Variants in SF1 observed in about 807,000 individuals in gnomAD.
The protein encoded by SF1 is branch point-binding protein.
In SF1, 7 loss-of-function variants were observed where a neutral mutation model predicts 62.5. The ratio of observed to expected loss-of-function variants is 0.11; its 90% CI spans 0.06 to 0.21. SF1 has a LOEUF of 0.21. Among genes scored for constraint, SF1 ranks in the 10% least tolerant of loss-of-function variants. The pLI is 1.00. For synonymous variants in SF1, 394 were observed against 323.6 expected (o/e 1.22, Z -2.33); for missense variants, 578 against 884.0 (o/e 0.65, Z 4.39).
At chr11:64,766,829 G>A (rs1482521216) in intron 12 of SF1, 71 bp downstream of exon 12, 9 of 1,261,096 alleles carry the variant, frequency 7.1e-6, no homozygotes, top group Non-Finnish European at 9.6e-6. Flanking sequence ...CTGCTTGTGT[G>A]AGGCTCTATG....
At position 64,765,941 on chromosome 11, in the gene SF1, C is replaced by T. The variant is rs1290538736; in HGVS notation, c.1797G>A (p.Pro599=). ...CCATGGGAGGCGGAGGAGGAGGGGGCGGGGCATACATCATGCCGGCGGAAC... is the reference window on the plus strand; with the variant it reads ...CCATGGGAGGCGGAGGAGGAGGGGGTGGGGCATACATCATGCCGGCGGAAC... ...PPGSAGMMYA[P]PPPPPPPMDP... is the part of the protein sequence containing the mutation. The change falls in exon 13 of 13, where the codon CCG becomes CCA. Residue 599 remains proline (P), a synonymous_variant. Transcript: ENST00000377390. The T allele has an allele frequency of 1.3e-5, 18 of 1,409,144 alleles. No homozygotes were observed. The highest frequency in any genetic ancestry group is 8.5e-5 in the African/African-American group (5 of 58,506). The allele number at this position is 1,409,144 out of a possible 1,614,324, so 87.3% of individuals were successfully genotyped here.
intron 12 of SF1, chr11:64,766,677 A>G: frequency 2.2e-6 from 1 of 453,296 alleles, no homozygotes; most frequent in Non-Finnish European, 3.9e-6. Flanking sequence ...GCTCCCCTCC[A>G]GGCCCCCACG....
In SF1 at chr11:64,765,571, A is replaced by C. The variant is rs1250016581; in HGVS notation, c.*247T>G. 4.5e-6 allele frequency: 7 copies of C among 1,554,406 alleles called. No individual in the cohort carries two copies. Among genetic ancestry groups the C allele is most frequent in the Middle Eastern group, 2.2e-4 (1 of 4,622 alleles). ...AGGGAGTTGGGTGAGGAGAGAAAGAAGACAAAGAAGACACTCGATGCTACG... is the reference window on the plus strand; with the variant it reads ...AGGGAGTTGGGTGAGGAGAGAAAGACGACAAAGAAGACACTCGATGCTACG... On this transcript the variant is annotated 3_prime_UTR_variant, in exon 13 of 13. Transcript: ENST00000377390.
At chr11:64,772,646 T>C in intron 3 of SF1, 2 of 985,386 alleles carry the variant, frequency 2.0e-6, no homozygotes, top group Non-Finnish European at 1.2e-6. Context: ...CTTACTGCCC[T>C]TCTAATTAAA....
Position 64,769,099 on chromosome 11 carries a change from G to T in SF1, c.810C>A (p.Thr270=), listed in dbSNP as rs769522359. ...RILRPWQSSE[T]RSITNTTVCT... is the part of the protein sequence containing the mutation. ...ACACTGTGGTGTTGGTAATGCTGCGGGTCTCTGAGCTCTGCCAGGGTCTTA... is the reference window on the plus strand; with the variant it reads ...ACACTGTGGTGTTGGTAATGCTGCGTGTCTCTGAGCTCTGCCAGGGTCTTA... The change falls in exon 8 of 13, where the codon ACC becomes ACA. Residue 270 remains threonine, a synonymous_variant. Coordinates refer to ENST00000377390, the MANE Select transcript of SF1 (RefSeq NM_004630.4). 1.2e-5 allele frequency: 19 copies of T among 1,614,130 alleles called. No homozygotes were observed. The East Asian group carries it at 3.3e-4, about 28-fold the overall frequency.
chr11:64,772,178 AATCCCAGTT>A, intron 3 of SF1: 1 of 985,364 alleles, frequency 1.0e-6, no homozygotes, highest in Non-Finnish European at 1.2e-6. Context: ...ACTAAATTCT[AATCCCAGTT>A]ATCCAGGAAG....
rs772142483 is a variant in SF1, at chr11:64,765,876, G to A, written c.1862C>T (p.Ala621Val). The change falls in exon 13 of 13, where the codon GCG (alanine) becomes GTG (valine). Residue 621 changes from alanine to valine, a missense_variant. Physicochemically the swap from Ala to Val is moderately conservative, Grantham distance 64. Around this residue, in one of 7 missense-constraint regions of SF1, gnomAD observed 410 missense variants for 452.4 expected, o/e 0.91. Coordinates refer to ENST00000377390, the MANE Select transcript of SF1 (RefSeq NM_004630.4). The stretch of plus-strand genomic sequence containing the variant: ...AGGCATCCCGAAGGGCGGCATGCCC[G>A]CCACCCCCATGCCCATCATGGTGAC... ...NFVTMMGMGVAGMPPFGMPPA... is the reference protein window; with the variant it reads ...NFVTMMGMGVVGMPPFGMPPA... 6.4e-6 allele frequency: 10 copies of A among 1,563,680 alleles called. No individual in the cohort carries two copies. The highest frequency in any genetic ancestry group is 2.4e-5 in the East Asian group (1 of 42,308).
At chr11:64,771,991 G>C (rs1450713939) in intron 3 of SF1, 9 of 985,222 alleles carry the variant, frequency 9.1e-6, no homozygotes, top group Non-Finnish European at 1.1e-5. Context: ...CAGCTGTCTA[G>C]AATTAAGCAT....
At chr11:64,777,804 C>A (rs1451480279) in intron 1 of SF1, 1 of 978,862 alleles carries the variant, frequency 1.0e-6, no homozygotes, top group Non-Finnish European at 1.2e-6. Flanking sequence ...CCCCCCACAG[C>A]GCGCGTGCGC....
chr11:64,766,854 C>CCCCCCCCA, intron 12 of SF1, 46 bp downstream of exon 12: 3 of 659,974 alleles, frequency 4.5e-6, no homozygotes, highest in African/African-American at 1.8e-5. Context: ...CTGTCAGCCC[C>CCCCCCCCA]ACCCCCATCC....
intron 1 of SF1, chr11:64,777,780 G>GGGCCCCCCC: frequency 4.5e-6 from 2 of 445,412 alleles, no homozygotes; most frequent in Non-Finnish European, 5.6e-6. Flanking sequence ...AGCGCCTCCC[G>GGGCCCCCCC]CCCGCCCAGC....
intron 8 of SF1, 147 bp from the exon 9 acceptor site, chr11:64,768,433 G>T: frequency 1.4e-6 from 1 of 722,636 alleles, no homozygotes; most frequent in Non-Finnish European, 2.3e-6. Context: ...ACTGGGCATG[G>T]CTCTCAACAG....
In SF1 at chr11:64,765,583, C is replaced by T; in HGVS notation, c.*235G>A. ...GAGGAGAGAAAGAAGACAAAGAAGA[C>T]ACTCGATGCTACGGGGCGCCAGGAG... On this transcript the variant is annotated 3_prime_UTR_variant, in exon 13 of 13. Coordinates refer to ENST00000377390, the MANE Select transcript of SF1 (RefSeq NM_004630.4). The T allele has an allele frequency of 1.9e-6, 3 of 1,542,432 alleles. No individual in the cohort carries two copies. Among genetic ancestry groups the T allele is most frequent in the Non-Finnish European group, 2.6e-6 (3 of 1,149,666 alleles).
At chr11:64,771,632 C>A (rs1938333845) in intron 3 of SF1, 28 of 985,248 alleles carry the variant, frequency 2.8e-5, no homozygotes, top group Non-Finnish European at 3.4e-5. Flanking sequence ...ACCTCCGTTT[C>A]TAGCATTTGT....
At chr11:64,767,355 C>T (rs2058752428) in intron 10 of SF1, 104 bp from the exon 11 acceptor site, 2 of 1,242,736 alleles carry the variant, frequency 1.6e-6, no homozygotes, top group African/African-American at 1.5e-5. Context: ...GTTCTGAAAA[C>T]CATGCCTGTA....
chr11:64,778,180 C>T, intron 1 of SF1, 182 bp downstream of exon 1: 1 of 961,952 alleles, frequency 1.0e-6, no homozygotes, highest in Non-Finnish European at 1.3e-6. Context: ...GCGGCGGAGG[C>T]GGCGGAGGCA....
In SF1 at chr11:64,769,231, G is replaced by A. The variant is rs764441166; in HGVS notation, c.771C>T (p.Asp257=). 44 of 1,613,742 alleles carry A rather than the reference G, an allele frequency of 2.7e-5. 1 individual carries two copies. The South Asian group carries it at 2.9e-4, about 10-fold the overall frequency. ...TTAAACTGATCACATACCTGTTATCGTCTTCCCGAAGGGTCCCATTTAAGC... is the reference window on the plus strand; with the variant it reads ...TTAAACTGATCACATACCTGTTATCATCTTCCCGAAGGGTCCCATTTAAGC... ...LARLNGTLRE[D]DNRILRPWQS... is the part of the protein sequence containing the mutation. Residue 257 remains aspartate, a synonymous_variant, in exon 7 of 13, where the codon GAC becomes GAT. Transcript: ENST00000377390.
intron 1 of SF1, chr11:64,778,104 G>A (rs1422973131): frequency 2.2e-6 from 2 of 896,402 alleles, no homozygotes; most frequent in Non-Finnish European, 2.7e-6. Context: ...TGCGGCGGCG[G>A]GTACGAGGCG....
Position 64,767,680 on chromosome 11 carries a change from A to T in SF1, c.1233T>A (p.His411Gln), listed in dbSNP as rs748300068. The T allele has an allele frequency of 6.2e-7, 1 of 1,609,490 alleles. No homozygotes were observed. The highest frequency in any genetic ancestry group is 8.5e-7 in the Non-Finnish European group (1 of 1,177,930). The change falls in exon 10 of 13, where the codon CAT (histidine) becomes CAA (glutamine). Residue 411 changes from histidine (H) to glutamine (Q), a missense_variant. Physicochemically the swap from His to Gln is conservative, Grantham distance 24 (BLOSUM62 0). Transcript: ENST00000377390. ...GTCCATTGGGGTTGTGCTGCATGGG[A>T]TGTCCACCATGCCCACCTGTCAGGC... ...LPSLTGGHGGHPMQHNPNGPP... is the reference protein window; with the variant it reads ...LPSLTGGHGGQPMQHNPNGPP...
Sources: allele counts gnomAD v4.1 joint callset, GRCh38; gene constraint gnomAD v4.1.1; regional missense constraint gnomAD v4.1.1; transcripts MANE v1.5; gene names NCBI Gene and HGNC (gene_info 2026-07-23, HGNC 2026-07-21).